SOX6: variants seen among roughly 807,000 people sequenced by gnomAD.
SOX6 encodes SRY-box transcription factor 6.
In SOX6, 11 loss-of-function variants were observed where a neutral mutation model predicts 97.8. The observed-to-expected ratio is 0.11, with a 90% CI of 0.07 to 0.19. The LOEUF is 0.19. SOX6 is among the 10% of genes least tolerant of loss of function. The probability of loss-of-function intolerance (pLI) is 1.00; values close to 1 mark genes in which losing one functional copy is unlikely to be tolerated. For synonymous variants in SOX6, 360 were observed against 371.4 expected (o/e 0.97, Z 0.35); for missense variants, 810 against 1,039.5 (o/e 0.78, Z 3.04).
chr11:16,605,682 C>T lies in SOX6; in HGVS notation n.609+6399G>A, dbSNP rs1848326170. ...GAGATCCTCGACTCCCGCCCGCCCT[C>T]AACCAGTGTCAACCCCACAAACAGC... On this transcript the variant is annotated intron_variant and non_coding_transcript_variant, in intron 4 of 5. Transcript: ENST00000524520. This position sits in a 1 kb window ranked among gnomAD's most constrained non-coding sequence, Gnocchi z 5.3. Among the ~76,000 whole-genome samples, 1 of 151,938 alleles carries T rather than the reference C, an allele frequency of 6.6e-6. No homozygotes were observed.
At chr11:16,317,826 A>G (rs1348704105) in intron 3 of SOX6, 1 of 242,978 alleles carries the variant, frequency 4.1e-6, no homozygotes, top group African/African-American at 2.3e-5. Context: ...ACTTTGTTTA[A>G]AAATATTATT....
intron 3 of SOX6, among the ~76,000 whole-genome samples, chr11:16,239,880 C>T (rs569187040): frequency 3.3e-5 from 5 of 152,152 alleles, no homozygotes; most frequent in South Asian, 2.1e-4. Context: ...CACCCCTCCC[C>T]CATTACCAAA....
At chr11:16,654,474 GAGAC>G (rs1847696666) in intron 3 of SOX6, among the ~76,000 whole-genome samples, 1 of 152,078 alleles carries the variant, frequency 6.6e-6, no homozygotes. Context: ...TTTTAAAAGA[GAGAC>G]AGAGTTTTGC....
At chr11:16,378,123 G>C (rs989679263) in intron 1 of SOX6, among the ~76,000 whole-genome samples, 4 of 152,082 alleles carry the variant, frequency 2.6e-5, no homozygotes, top group African/African-American at 9.7e-5. Flanking sequence ...CAACCTAAAT[G>C]TTCAACAGTT....
intron 4 of SOX6, among the ~76,000 whole-genome samples, chr11:16,537,603 A>G (rs1861329649): frequency 6.6e-6 from 1 of 152,246 alleles, no homozygotes; most frequent in African/African-American, 2.4e-5. Flanking sequence ...ATGGCTACAT[A>G]GAATAAACAG....
At chr11:16,334,173 T>C (rs562229751) in intron 2 of SOX6, among the ~76,000 whole-genome samples, 9 of 152,222 alleles carry the variant, frequency 5.9e-5, no homozygotes, top group African/African-American at 2.2e-4. Context: ...CTTAAAGACA[T>C]TCTGAATACA....
chr11:16,135,894 T>C (rs930970744), intron 6 of SOX6, among the ~76,000 whole-genome samples: 1 of 152,202 alleles, frequency 6.6e-6, no homozygotes, highest in East Asian at 1.9e-4. Context: ...TGCAGCACTT[T>C]CATGGTTGTC....
chr11:16,012,719 C>T (rs1464076002), intron 13 of SOX6, among the ~76,000 whole-genome samples: 1 of 151,984 alleles, frequency 6.6e-6, no homozygotes, highest in African/African-American at 2.4e-5. Flanking sequence ...AGAATCTCAG[C>T]TCTACCCTTA....
intron 3 of SOX6, among the ~76,000 whole-genome samples, chr11:16,667,099 C>A (rs1847812774): frequency 6.6e-6 from 1 of 150,498 alleles, no homozygotes; most frequent in South Asian, 2.1e-4. Context: ...CATAGTGGTG[C>A]ACACCTGTCC....
At chr11:16,202,679 A>C (rs1265173106) in intron 4 of SOX6, among the ~76,000 whole-genome samples, 3 of 152,148 alleles carry the variant, frequency 2.0e-5, no homozygotes, top group African/African-American at 7.2e-5. Context: ...ACTGAACTAC[A>C]CTTGAGTTCT....
intron 12 of SOX6, among the ~76,000 whole-genome samples, chr11:16,029,660 G>A (rs1043751741): frequency 2.0e-5 from 3 of 151,004 alleles, no homozygotes; most frequent in Non-Finnish European, 3.0e-5. Flanking sequence ...AAAAAAAACC[G>A]ATTGTCTAAC....
intron 3 of SOX6, among the ~76,000 whole-genome samples, chr11:16,244,907 T>C (rs901219957): frequency 1.3e-4 from 19 of 151,846 alleles, no homozygotes; most frequent in African/African-American, 4.1e-4. Context: ...AAGAATTTGT[T>C]CTTCTATTTC....
intron 3 of SOX6, among the ~76,000 whole-genome samples, chr11:16,244,361 T>C (rs1001944317): frequency 3.3e-5 from 5 of 151,836 alleles, no homozygotes; most frequent in Non-Finnish European, 3.0e-5. Flanking sequence ...ATATATGTAA[T>C]GTAAACATTT....
chr11:16,583,423 C>T (rs1848048992), intron 4 of SOX6, among the ~76,000 whole-genome samples: 2 of 151,256 alleles, frequency 1.3e-5, no homozygotes, highest in South Asian at 4.2e-4. Context: ...TAACCAACCT[C>T]TCCTATCCCC....
At chr11:16,557,405 A>C (rs908596984) in intron 4 of SOX6, among the ~76,000 whole-genome samples, 4 of 151,852 alleles carry the variant, frequency 2.6e-5, no homozygotes, top group Non-Finnish European at 1.5e-5. Context: ...CAGTAAACTC[A>C]TTCCCACATT....
At chr11:16,003,269 T>C (rs1854454701) in intron 13 of SOX6, among the ~76,000 whole-genome samples, 1 of 151,970 alleles carries the variant, frequency 6.6e-6, no homozygotes, top group Non-Finnish European at 1.5e-5. Context: ...ACACACTGTG[T>C]TGTGTGTGTA....
chr11:16,499,307 C>T (rs1379374329), intron 4 of SOX6, among the ~76,000 whole-genome samples: 1 of 152,038 alleles, frequency 6.6e-6, no homozygotes, highest in Admixed American at 6.6e-5. Context: ...ACATTCAAAG[C>T]AGTGTGTAGA....
intron 3 of SOX6, among the ~76,000 whole-genome samples, chr11:16,666,383 A>G (rs1847807099): frequency 6.6e-6 from 1 of 152,258 alleles, no homozygotes; most frequent in Non-Finnish European, 1.5e-5. Context: ...AAATAATTTA[A>G]AAGAATCAAA....
intron 3 of SOX6, among the ~76,000 whole-genome samples, chr11:16,287,050 T>A (rs1854765999): frequency 6.6e-6 from 1 of 152,054 alleles, no homozygotes; most frequent in South Asian, 2.1e-4. Context: ...CAAAGCAACA[T>A]GAAAACACAA....
Sources: gnomAD v4.1 joint callset for allele counts (sites outside exome capture counted in the v4.1 genomes callset) on GRCh38, gnomAD v4.1.1 for gene constraint, Gnocchi (gnomAD v3.1) non-coding constraint, MANE v1.5 for transcripts, NCBI Gene and HGNC (gene_info 2026-07-23, HGNC 2026-07-21) for gene names.